Variants in LRRIQ3 observed in about 807,000 individuals in gnomAD.
The protein encoded by LRRIQ3 is leucine-rich repeat and IQ domain-containing protein 3.
In LRRIQ3, 75 loss-of-function variants were observed where a neutral mutation model predicts 59.3. The observed-to-expected ratio is 1.26, with a 90% CI of 1.05 to 1.53. The LOEUF (loss-of-function observed/expected upper bound fraction) is 1.53, where lower values mean the gene tolerates loss of function less well. Ranked by LOEUF, LRRIQ3 falls within the 40% of genes most tolerant of loss-of-function variation. The pLI is 0.00. For synonymous variants in LRRIQ3, 250 were observed against 231.3 expected (o/e 1.08, Z -0.73); for missense variants, 831 against 710.0 (o/e 1.17, Z -1.94).
At chr1:74,075,163 C>A in intron 5 of LRRIQ3, among the ~76,000 whole-genome samples, 1 of 151,800 alleles carries the variant, frequency 6.6e-6, no homozygotes, top group African/African-American at 2.4e-5. Flanking sequence ...AAGGGAGGTA[C>A]AAAATTATTT....
At chr1:74,027,093 C>T (rs1653539163) in intron 7 of LRRIQ3, 124 bp from the exon 8 acceptor site, 2 of 562,064 alleles carry the variant, frequency 3.6e-6, no homozygotes, top group Admixed American at 3.8e-5. Flanking sequence ...GTGAGAAAGA[C>T]ACAACTCCAT....
chr1:74,126,010 A>G lies in LRRIQ3; in HGVS notation c.708-16457T>C, dbSNP rs193298159. On this transcript the variant is annotated intron_variant, in intron 4 of 7. Transcript: ENST00000354431. ...TGTTTTCTTTGCTAGGAGACTTCCT[A>G]TTACAGCTTCGATCTTATTACTTGT... 3.3e-5 allele frequency among the ~76,000 whole-genome samples: 5 copies of G among 151,960 alleles called. No homozygotes were observed. The East Asian group carries it at 7.7e-4, about 24-fold the overall frequency.
chr1:74,169,031 T>C (rs1396319530), intron 3 of LRRIQ3, among the ~76,000 whole-genome samples: 2 of 152,188 alleles, frequency 1.3e-5, no homozygotes, highest in East Asian at 3.9e-4. Flanking sequence ...AGGAACTTCC[T>C]CATCTTGCAT....
Position 74,074,700 on chromosome 1 carries a change from C to A in LRRIQ3, c.958G>T (p.Gly320Cys). ...ILCELKPKDL[G>C]MKSKTSRHLI... Reference sequence around the variant, plus strand: ...TGTCTTGATGTTTTTGATTTCATGCCTAGATCTTTTGGTTTTAATTCACAT... The same window carrying A: ...TGTCTTGATGTTTTTGATTTCATGCATAGATCTTTTGGTTTTAATTCACAT... Residue 320 changes from glycine to cysteine, a missense_variant, in exon 6 of 8, where the codon GGC becomes TGC. By Grantham distance (159) the Gly-to-Cys change is radical. Coordinates refer to ENST00000354431, the MANE Select transcript of LRRIQ3 (RefSeq NM_001105659.2). 2.1e-6 allele frequency: 3 copies of A among 1,443,698 alleles called. No individual in the cohort carries two copies. The highest frequency in any genetic ancestry group is 1.5e-5 in the African/African-American group (1 of 68,690). The allele number at this position is 1,443,698 out of a possible 1,614,324, so 89.4% of individuals were successfully genotyped here.
intron 4 of LRRIQ3, among the ~76,000 whole-genome samples, chr1:74,114,906 T>C (rs1294059823): frequency 1.3e-5 from 2 of 152,012 alleles, no homozygotes; most frequent in Non-Finnish European, 2.9e-5. Flanking sequence ...GATTTAAGTT[T>C]ATTTTAAAAT....
At chr1:74,133,587 T>C (rs1647065534) in intron 4 of LRRIQ3, among the ~76,000 whole-genome samples, 2 of 151,994 alleles carry the variant, frequency 1.3e-5, no homozygotes, top group African/African-American at 2.4e-5. Context: ...CTGGAAACCA[T>C]CATTCTCAGC....
chr1:74,145,358 G>A lies in LRRIQ3; in HGVS notation c.707+10375C>T, dbSNP rs1196668713. Reference sequence around the variant, plus strand: ...AATGCTCTCTGGTGGAGTTGGCTCTGCCATGCTTCTCACTGCTGTTCCTTT... The same window carrying A: ...AATGCTCTCTGGTGGAGTTGGCTCTACCATGCTTCTCACTGCTGTTCCTTT... On this transcript the variant is annotated intron_variant, in intron 4 of 7. Coordinates refer to ENST00000354431, the MANE Select transcript of LRRIQ3 (RefSeq NM_001105659.2). 2.0e-5 allele frequency among the ~76,000 whole-genome samples: 3 copies of A among 152,130 alleles called. No individual in the cohort carries two copies. The South Asian group carries it at 6.2e-4, about 31-fold the overall frequency.
At chr1:74,166,462 G>T (rs879540783) in intron 3 of LRRIQ3, among the ~76,000 whole-genome samples, 11 of 151,642 alleles carry the variant, frequency 7.3e-5, no homozygotes, top group Non-Finnish European at 1.3e-4. Flanking sequence ...TGACAGGTTT[G>T]TCAATTTTAT....
intron 1 of LRRIQ3, among the ~76,000 whole-genome samples, chr1:74,195,176 C>T (rs573251820): frequency 2.4e-4 from 36 of 152,102 alleles, no homozygotes; most frequent in African/African-American, 8.0e-4. Context: ...GTAAATAAAT[C>T]GAAATAAAAC....
intron 5 of LRRIQ3, among the ~76,000 whole-genome samples, chr1:74,079,425 C>T (rs1191022854): frequency 2.6e-5 from 4 of 151,798 alleles, no homozygotes; most frequent in African/African-American, 7.2e-5. Context: ...GCATGGCTAG[C>T]TCCTTTTCCT....
Position 74,074,660 on chromosome 1 carries a change from C to G in LRRIQ3, c.997+1G>C. On this transcript the variant is annotated splice_donor_variant, in intron 6 of 7. Coordinates refer to ENST00000354431, the MANE Select transcript of LRRIQ3 (RefSeq NM_001105659.2). LOFTEE classifies it high-confidence loss of function. ...TATAATTAAAAATTCATATAACTAA[C>G]CTTTTTGAATGAGATGTCTTGATGT... The G allele has an allele frequency of 2.3e-6, 3 of 1,314,440 alleles. No individual in the cohort carries two copies. Among genetic ancestry groups the G allele is most frequent in the Non-Finnish European group, 3.0e-6 (3 of 1,000,846 alleles). The allele number at this position is 1,314,440 out of a possible 1,614,324, so 81.4% of individuals were successfully genotyped here.
At chr1:74,115,902 A>G (rs1461731282) in intron 4 of LRRIQ3, among the ~76,000 whole-genome samples, 1 of 152,062 alleles carries the variant, frequency 6.6e-6, no homozygotes, top group East Asian at 1.9e-4. Flanking sequence ...TCTAAAAGAG[A>G]AGAAAAACAA....
chr1:74,026,796 T>C lies in LRRIQ3; in HGVS notation c.*17A>G. On this transcript the variant is annotated 3_prime_UTR_variant, in exon 8 of 8. Transcript: ENST00000354431. ...ACTATAATTTAAGATGATCATAGGA[T>C]GTGATCTGGCATTGATTCATTTTAT... The C allele has an allele frequency of 1.3e-6, 2 of 1,580,638 alleles. No homozygotes were observed. Among genetic ancestry groups the C allele is most frequent in the South Asian group, 1.2e-5 (1 of 85,516 alleles).
At chr1:74,165,187 T>C (rs955260078) in intron 3 of LRRIQ3, among the ~76,000 whole-genome samples, 2 of 151,594 alleles carry the variant, frequency 1.3e-5, no homozygotes, top group African/African-American at 4.8e-5. Context: ...CTTGACTACA[T>C]CTACAATCTT....
chr1:74,090,176 C>A (rs186953902), intron 5 of LRRIQ3, among the ~76,000 whole-genome samples: 2 of 151,894 alleles, frequency 1.3e-5, no homozygotes, highest in African/African-American at 4.8e-5. Context: ...ATAACACTTC[C>A]AGAACTTTCA....
intron 4 of LRRIQ3, among the ~76,000 whole-genome samples, chr1:74,136,631 A>G (rs1409251585): frequency 1.3e-5 from 2 of 151,954 alleles, no homozygotes; most frequent in Non-Finnish European, 2.9e-5. Context: ...AGCATTAATG[A>G]GTTTTATCTA....
Position 74,182,558 on chromosome 1 carries a change from A to G in LRRIQ3, c.553T>C (p.Phe185Leu). The change falls in exon 3 of 8, where the codon TTC (phenylalanine) becomes CTC (leucine). Residue 185 changes from phenylalanine (F) to leucine (L), a missense_variant. Coordinates refer to ENST00000354431, the MANE Select transcript of LRRIQ3 (RefSeq NM_001105659.2). ...KACNHRLFFN[F>L]CPALRKGTTY... ...ATTACCTTTCTCAAAGCTGGGCAGA[A>G]ATTAAAGAAAAGTCGATGGTTACAT... 1 of 1,562,552 alleles carries G rather than the reference A, an allele frequency of 6.4e-7. No homozygotes were observed.
intron 6 of LRRIQ3, 50 bp downstream of exon 6, chr1:74,074,611 C>G: frequency 1.1e-6 from 1 of 871,760 alleles, no homozygotes. Flanking sequence ...ATTATTTACT[C>G]TTCATCAAAA....
At chr1:74,039,899 T>C (rs931069566) in intron 7 of LRRIQ3, among the ~76,000 whole-genome samples, 1 of 152,028 alleles carries the variant, frequency 6.6e-6, no homozygotes, top group African/African-American at 2.4e-5. Flanking sequence ...AATAACCAGA[T>C]AGCATCATGA....
Sources: allele counts gnomAD v4.1 joint callset (sites outside exome capture counted in the v4.1 genomes callset), GRCh38; gene constraint gnomAD v4.1.1; transcripts MANE v1.5; gene names NCBI Gene and HGNC (gene_info 2026-07-23, HGNC 2026-07-21).